NCF4: variants seen among roughly 807,000 people sequenced by gnomAD.
NCF4 encodes the protein neutrophil cytosolic factor 4, also known as neutrophil cytosol factor 4.
NCF4 carries 30 observed loss-of-function variants against 41.7 expected under a neutral mutation model. That is an observed-to-expected ratio of 0.72 (90% confidence interval 0.54 to 0.97). The LOEUF (loss-of-function observed/expected upper bound fraction) is 0.97, where lower values mean the gene tolerates loss of function less well. Among genes scored for constraint, NCF4 ranks in the 50% least tolerant of loss-of-function variants. NCF4 has a pLI of 0.00. For missense variants in NCF4, 432 were observed against 460.9 expected (o/e 0.94, Z 0.57); for synonymous variants, 195 against 175.8 (o/e 1.11, Z -0.87).
intron 1 of NCF4, among the ~76,000 whole-genome samples, chr22:36,862,141 C>A (rs1166116899): frequency 6.6e-6 from 1 of 152,168 alleles, no homozygotes; most frequent in African/African-American, 2.4e-5. Context: ...GGACGCAAAG[C>A]CTGGCCCCTG....
intron 5 of NCF4, among the ~76,000 whole-genome samples, chr22:36,871,305 A>G (rs1376583851): frequency 7.9e-5 from 12 of 152,226 alleles, no homozygotes; most frequent in Non-Finnish European, 4.4e-5. Flanking sequence ...AAAATTAGAA[A>G]CAGTCACATT....
chr22:36,862,466 C>A (rs576518323), intron 1 of NCF4, among the ~76,000 whole-genome samples: 2 of 152,204 alleles, frequency 1.3e-5, no homozygotes, highest in Non-Finnish European at 2.9e-5. Context: ...TCGAATCTTC[C>A]GGAAGCAGCA....
rs201317613 is a variant in NCF4, at chr22:36,877,682, T to C, written c.879T>C (p.Asp293=). Residue 293 remains aspartate (D), a synonymous_variant, in exon 10 of 10, where the codon GAT becomes GAC. Coordinates refer to ENST00000248899, the MANE Select transcript of NCF4 (RefSeq NM_000631.5). ...TGAATTACCGGGACGCTGAGGGGGA[T>C]CTGGTTCGGCTGCTGTCGGATGAGG... is the stretch of plus-strand genomic sequence containing the variant. ...IALNYRDAEG[D]LVRLLSDEDV... is the part of the protein sequence containing the mutation. 32 of 1,614,134 alleles carry C rather than the reference T, an allele frequency of 2.0e-5. No homozygotes were observed. In the East Asian group the frequency reaches 3.1e-4, roughly 16 times the overall value.
rs1026888239 is a variant in NCF4, at chr22:36,861,082, C to T, written c.-90C>T. ...CCCAGGACCACAGGCTGAGACGAGA[C>T]GCAGGGTGGCTGGAGGAAGTGAGAG... is the stretch of plus-strand genomic sequence containing the variant. On this transcript the variant is annotated 5_prime_UTR_variant, in exon 1 of 10. It adds an upstream start codon to the 5' untranslated region. Coordinates refer to ENST00000248899, the MANE Select transcript of NCF4 (RefSeq NM_000631.5). 4.9e-5 allele frequency: 74 copies of T among 1,510,740 alleles called. No homozygotes were observed. The highest frequency in any genetic ancestry group is 1.6e-4 in the Admixed American group (8 of 50,924). 93.6% of individuals were successfully genotyped at this position (1,510,740 alleles called of 1,614,324 possible). A position where few individuals can be genotyped will look rare whatever the true frequency, so the allele number is the denominator to read the frequency against.
chr22:36,875,690 C>G lies in NCF4; in HGVS notation c.665C>G (p.Ser222Cys), dbSNP rs754272966. The change falls in exon 8 of 10, where the codon TCC becomes TGC. Residue 222 changes from serine to cysteine, a missense_variant. Ser to Cys is a moderately radical substitution (Grantham distance 112). Coordinates refer to ENST00000248899, the MANE Select transcript of NCF4 (RefSeq NM_000631.5). The part of the protein sequence containing the change: ...VRGATGIFPL[S>C]FVKILKDFPE... ...GGAGCCACGGGCATCTTCCCTCTCT[C>G]CTTCGTGAAGATCCTCAAAGACTTC... is the stretch of plus-strand genomic sequence containing the variant. 1 of 1,613,174 alleles carries G rather than the reference C, an allele frequency of 6.2e-7. No individual in the cohort carries two copies. The highest frequency in any genetic ancestry group is 8.5e-7 in the Non-Finnish European group (1 of 1,180,038).
At chr22:36,864,873 G>A in intron 2 of NCF4, 46 bp from the exon 3 acceptor site, 1 of 1,612,342 alleles carries the variant, frequency 6.2e-7, no homozygotes. Context: ...TTTTTGGCTT[G>A]TGCTCCTGGC....
chr22:36,864,078 C>T lies in NCF4; in HGVS notation c.66C>T (p.Ile22=). ...DFEQLPDDVA[I]SANIADIEEK... ...AACAGCTTCCGGATGATGTTGCCAT[C>T]TCGGCCAACATTGCTGACATCGAGG... The change falls in exon 2 of 10, where the codon ATC becomes ATT. Residue 22 remains isoleucine, a synonymous_variant. Transcript: ENST00000248899. 2 of 1,614,190 alleles carry T rather than the reference C, an allele frequency of 1.2e-6. No individual in the cohort carries two copies. The highest frequency in any genetic ancestry group is 1.7e-6 in the Non-Finnish European group (2 of 1,180,008).
In NCF4 at chr22:36,870,535, C is replaced by A. The variant is rs758154907; in HGVS notation, c.463C>A (p.Arg155=). 29 of 1,611,882 alleles carry A rather than the reference C, an allele frequency of 1.8e-5. No homozygotes were observed. The highest frequency in any genetic ancestry group is 2.5e-5 in the Non-Finnish European group (29 of 1,180,020). ...QALRRLRPRT[R]KVKSVSPQGN... ...ACTCCGCCGGCTCCGCCCGCGCACCCGGAAAGTGTAAGTGACCAGCCCCTG... is the reference window on the plus strand; with the variant it reads ...ACTCCGCCGGCTCCGCCCGCGCACCAGGAAAGTGTAAGTGACCAGCCCCTG... The change falls in exon 5 of 10, where the codon CGG becomes AGG. Residue 155 remains arginine, a synonymous_variant. Coordinates refer to ENST00000248899, the MANE Select transcript of NCF4 (RefSeq NM_000631.5).
In NCF4 at chr22:36,862,134, C is replaced by T. The variant is rs141562746; in HGVS notation, c.32+931C>T. On this transcript the variant is annotated intron_variant, in intron 1 of 9. Transcript: ENST00000248899. Reference sequence around the variant, plus strand: ...CTCTAAGCTGCGGGGGCCCTGAGGACGCAAAGCCTGGCCCCTGCACCCCCT... The same window carrying T: ...CTCTAAGCTGCGGGGGCCCTGAGGATGCAAAGCCTGGCCCCTGCACCCCCT... Among the ~76,000 whole-genome samples, 373 of 152,302 alleles carry T rather than the reference C, an allele frequency of 2.4e-3. 4 individuals are homozygous for T. The highest frequency in any genetic ancestry group is 8.3e-3 in the African/African-American group (345 of 41,552).
At position 36,870,555 on chromosome 22, in the gene NCF4, C is replaced by A; in HGVS notation, c.470+13C>A. ...GCACCCGGAAAGTGTAAGTGACCAG[C>A]CCCTGGGCTTCCACATGGCCAGAGC... On this transcript the variant is annotated intron_variant, in intron 5 of 9. Coordinates refer to ENST00000248899, the MANE Select transcript of NCF4 (RefSeq NM_000631.5). The A allele has an allele frequency of 6.2e-7, 1 of 1,609,882 alleles. No individual in the cohort carries two copies. Among genetic ancestry groups the A allele is most frequent in the Non-Finnish European group, 8.5e-7 (1 of 1,180,000 alleles).
intron 7 of NCF4, 139 bp downstream of exon 7, chr22:36,872,564 T>A (rs1940086362): frequency 1.3e-6 from 1 of 764,628 alleles, no homozygotes; most frequent in African/African-American, 1.7e-5. Flanking sequence ...GAGGTGAGGA[T>A]GGAGGTAAGA....
In NCF4 at chr22:36,876,166, C is replaced by G. The variant is rs556644333; in HGVS notation, c.824+72C>G. The G allele has an allele frequency of 2.1e-6, 3 of 1,408,002 alleles. No individual in the cohort carries two copies. The Admixed American group carries it at 7.1e-5, about 33-fold the overall frequency. The allele number at this position is 1,408,002 out of a possible 1,614,324, so 87.2% of individuals were successfully genotyped here. The stretch of plus-strand genomic sequence containing the variant: ...AGAGCGCAGGGAGAAATGTTAAGCA[C>G]TAGTATTAAGGTGCTGGGGTTTTGC... On this transcript the variant is annotated intron_variant, in intron 9 of 9. Coordinates refer to ENST00000248899, the MANE Select transcript of NCF4 (RefSeq NM_000631.5).
At chr22:36,862,461 T>A (rs4821544) in intron 1 of NCF4, among the ~76,000 whole-genome samples, 1 of 152,014 alleles carries the variant, frequency 6.6e-6, no homozygotes, top group Non-Finnish European at 1.5e-5. Flanking sequence ...CAAACTCGAA[T>A]CTTCCGGAAG....
At chr22:36,877,496 A>G in intron 9 of NCF4, 132 bp from the exon 10 acceptor site, 1 of 905,766 alleles carries the variant, frequency 1.1e-6, no homozygotes, top group Non-Finnish European at 1.8e-6. Context: ...GATTACTTGG[A>G]TGACACGGGC....
At position 36,867,535 on chromosome 22, in the gene NCF4, C is replaced by T. The variant is rs541336077; in HGVS notation, c.342+73C>T. 1.0e-4 allele frequency: 153 copies of T among 1,515,580 alleles called. 1 individual carries two copies. In the South Asian group the frequency reaches 1.6e-3, roughly 16 times the overall value. 93.9% of individuals were successfully genotyped at this position (1,515,580 alleles called of 1,614,324 possible). ...TGGTGGGGGAGCCCACGTACCATCC[C>T]TGGGTATGGCTTTGGGAACTGGGGC... On this transcript the variant is annotated intron_variant, in intron 4 of 9. Coordinates refer to ENST00000248899, the MANE Select transcript of NCF4 (RefSeq NM_000631.5).
At chr22:36,872,128 C>T in intron 6 of NCF4, 199 bp from the exon 7 acceptor site, 1 of 713,872 alleles carries the variant, frequency 1.4e-6, no homozygotes, top group South Asian at 1.5e-5. Flanking sequence ...GGAAGGAGCA[C>T]CCATCCTGGA....
chr22:36,873,231 G>A (rs1940123145), intron 7 of NCF4, among the ~76,000 whole-genome samples: 1 of 151,274 alleles, frequency 6.6e-6, no homozygotes, highest in East Asian at 2.0e-4. Flanking sequence ...AGGAAGGTGA[G>A]TTTGCAGGTA....
chr22:36,864,000 A>G lies in NCF4; in HGVS notation c.33-45A>G, dbSNP rs1939852890. 1.9e-6 allele frequency: 3 copies of G among 1,575,702 alleles called. No individual in the cohort carries two copies. In the African/African-American group the frequency reaches 4.1e-5, roughly 21 times the overall value. On this transcript the variant is annotated intron_variant, in intron 1 of 9. Coordinates refer to ENST00000248899, the MANE Select transcript of NCF4 (RefSeq NM_000631.5). The stretch of plus-strand genomic sequence containing the variant: ...CTCATACCCGGTGGGCCCACAAAAC[A>G]CATCAGGGTGATAAGCAGGATCTCT...
At chr22:36,870,970 T>G (rs533810883) in intron 5 of NCF4, among the ~76,000 whole-genome samples, 44 of 152,338 alleles carry the variant, frequency 2.9e-4, no homozygotes, top group African/African-American at 1.0e-3. Context: ...TGTATCATGC[T>G]GGCCTCCAGA....
Sources: allele counts gnomAD v4.1 joint callset (sites outside exome capture counted in the v4.1 genomes callset), GRCh38; gene constraint gnomAD v4.1.1; transcripts MANE v1.5; gene names NCBI Gene and HGNC (gene_info 2026-07-23, HGNC 2026-07-21).